MYO5A: variants seen among roughly 807,000 people sequenced by gnomAD.
MYO5A encodes myosin VA.
In MYO5A, 98 loss-of-function variants were observed where a neutral mutation model predicts 249.7. The ratio of observed to expected loss-of-function variants is 0.39; its 90% CI spans 0.33 to 0.46. The LOEUF (loss-of-function observed/expected upper bound fraction) is 0.46. Among genes scored for constraint, MYO5A ranks in the 20% least tolerant of loss-of-function variants. MYO5A has a pLI of 0.98. For synonymous variants in MYO5A, 778 were observed against 810.6 expected (o/e 0.96, Z 0.68); for missense variants, 1,696 against 2,308.8 (o/e 0.73, Z 5.44).
At chr15:52,525,093 G>A (rs1205861331) in intron 1 of MYO5A, among the ~76,000 whole-genome samples, 2 of 152,122 alleles carry the variant, frequency 1.3e-5, no homozygotes, top group Non-Finnish European at 1.5e-5. Context: ...TATGGATGAT[G>A]TATGATATAG....
intron 28 of MYO5A, among the ~76,000 whole-genome samples, chr15:52,350,100 T>C (rs1338378507): frequency 1.3e-5 from 2 of 152,152 alleles, no homozygotes; most frequent in African/African-American, 4.8e-5. Flanking sequence ...ACCCGGTTGA[T>C]TTTTTGTATT....
chr15:52,349,501 C>T (rs1167722400), intron 28 of MYO5A, among the ~76,000 whole-genome samples: 1 of 152,124 alleles, frequency 6.6e-6, no homozygotes, highest in South Asian at 2.1e-4. Context: ...CCATTAGGGT[C>T]AGGAGAGCAG....
intron 35 of MYO5A, among the ~76,000 whole-genome samples, chr15:52,328,302 C>T (rs1371542380): frequency 2.0e-5 from 3 of 152,164 alleles, no homozygotes; most frequent in African/African-American, 7.2e-5. Flanking sequence ...TAAGCCTCTC[C>T]CAAACCAAAT....
intron 1 of MYO5A, among the ~76,000 whole-genome samples, chr15:52,450,191 G>C (rs1233106516): frequency 2.0e-5 from 3 of 151,910 alleles, no homozygotes; most frequent in Non-Finnish European, 4.4e-5. Context: ...AAGACTTTCT[G>C]GGTTTACTAG....
intron 1 of MYO5A, among the ~76,000 whole-genome samples, chr15:52,460,329 C>G (rs1304211646): frequency 6.6e-6 from 1 of 152,226 alleles, no homozygotes; most frequent in African/African-American, 2.4e-5. Context: ...GATCCGAGAT[C>G]ACGCCACTGC....
At chr15:52,352,766 G>C (rs2040020560) in intron 27 of MYO5A, among the ~76,000 whole-genome samples, 1 of 151,982 alleles carries the variant, frequency 6.6e-6, no homozygotes, top group Admixed American at 6.6e-5. Flanking sequence ...CTGGGTGACA[G>C]AGCGAGACTC....
At chr15:52,504,789 T>C (rs1724596) in intron 1 of MYO5A, among the ~76,000 whole-genome samples, 7 of 151,124 alleles carry the variant, frequency 4.6e-5, no homozygotes, top group South Asian at 2.1e-4. Context: ...ACTCAGGAGG[T>C]TGAGGCAGAG....
chr15:52,347,032 T>C (rs1455316501), intron 29 of MYO5A, among the ~76,000 whole-genome samples: 1 of 151,978 alleles, frequency 6.6e-6, no homozygotes, highest in East Asian at 1.9e-4. Context: ...TCTCTTTTCC[T>C]CTAGTATAAC....
chr15:52,463,248 T>G (rs1392379476), intron 1 of MYO5A, among the ~76,000 whole-genome samples: 2 of 152,212 alleles, frequency 1.3e-5, no homozygotes, highest in Non-Finnish European at 2.9e-5. Context: ...GCCGGCATCC[T>G]GGCAGTGACT....
At chr15:52,505,122 A>G (rs2077241454) in intron 1 of MYO5A, 8 of 688,280 alleles carry the variant, frequency 1.2e-5, no homozygotes, top group Non-Finnish European at 2.1e-5. Flanking sequence ...TCCAAGGACA[A>G]TCTGTGGGCC....
At position 52,327,408 on chromosome 15, in the gene MYO5A, T is replaced by C. The variant is rs187036780; in HGVS notation, c.4710+444A>G. 5.9e-5 allele frequency among the ~76,000 whole-genome samples: 9 copies of C among 152,286 alleles called. 1 individual carries two copies. Among genetic ancestry groups the C allele is most frequent in the African/African-American group, 2.2e-4 (9 of 41,548 alleles). On this transcript the variant is annotated intron_variant, in intron 36 of 41. Transcript: ENST00000399233. ...GAAGAATGTTTCTTCCAGTGGAAGT[T>C]TTCACTCAAGACTGAGTGGCTGGGT...
intron 1 of MYO5A, among the ~76,000 whole-genome samples, chr15:52,520,108 C>T (rs1345621774): frequency 1.3e-5 from 2 of 152,190 alleles, no homozygotes; most frequent in African/African-American, 4.8e-5. Context: ...ATTTCCCATT[C>T]TTCTTGCTCA....
chr15:52,431,231 CA>C lies in MYO5A; in HGVS notation c.138+1943del, dbSNP rs1333488857. ...TGGGTGACAGAGCAAAATTCCGTCT[CA>C]AAAAAAAAAAAAAAGTCTAGTGCAG... On this transcript the variant is annotated intron_variant, in intron 2 of 41. Coordinates refer to ENST00000399233, the MANE Select transcript of MYO5A (RefSeq NM_001382347.1). Among the ~76,000 whole-genome samples the C allele has an allele frequency of 4.8e-4, 22 of 45,850 alleles. 2 individuals are homozygous for C. The highest frequency in any genetic ancestry group is 0.083 in the Middle Eastern group (2 of 24). The allele number at this position is 45,850 out of a possible 152,430, so 30.1% of individuals were successfully genotyped here.
At chr15:52,421,586 G>A (rs750751075) in intron 4 of MYO5A, among the ~76,000 whole-genome samples, 1 of 152,166 alleles carries the variant, frequency 6.6e-6, no homozygotes, top group Non-Finnish European at 1.5e-5. Context: ...GCATAGAGTA[G>A]AGCTGGGTTG....
At chr15:52,394,069 T>C (rs1045836817) in intron 11 of MYO5A, among the ~76,000 whole-genome samples, 14 of 152,200 alleles carry the variant, frequency 9.2e-5, no homozygotes, top group Non-Finnish European at 1.5e-4. Context: ...AAGTTCAATA[T>C]GGCAAGAGAT....
intron 1 of MYO5A, among the ~76,000 whole-genome samples, chr15:52,467,847 G>C (rs2076382137): frequency 6.6e-6 from 1 of 152,074 alleles, no homozygotes; most frequent in Non-Finnish European, 1.5e-5. Flanking sequence ...ACTCTCACAG[G>C]CCAGAAGAGA....
intron 1 of MYO5A, among the ~76,000 whole-genome samples, chr15:52,494,754 A>G (rs879808867): frequency 2.6e-5 from 4 of 152,120 alleles, no homozygotes; most frequent in Non-Finnish European, 4.4e-5. Flanking sequence ...TGGCCTCCCA[A>G]AGTGCTGGGA....
chr15:52,430,641 T>A (rs2075508266), intron 2 of MYO5A, among the ~76,000 whole-genome samples: 2 of 152,206 alleles, frequency 1.3e-5, no homozygotes, highest in African/African-American at 4.8e-5. Context: ...CTGTCCCTAG[T>A]CTTGCTTTTA....
chr15:52,328,778 T>G (rs1201235285), intron 35 of MYO5A, among the ~76,000 whole-genome samples: 1 of 152,210 alleles, frequency 6.6e-6, no homozygotes, highest in African/African-American at 2.4e-5. Context: ...CCTATTCCCC[T>G]TCCCCACTCC....
Sources: allele counts gnomAD v4.1 joint callset (sites outside exome capture counted in the v4.1 genomes callset), GRCh38; gene constraint gnomAD v4.1.1; transcripts MANE v1.5; gene names NCBI Gene and HGNC (gene_info 2026-07-23, HGNC 2026-07-21).